Variants in PARD3B observed in about 807,000 individuals in gnomAD.
PARD3B encodes the protein par-3 family cell polarity regulator beta.
In PARD3B, 103 loss-of-function variants were observed where a neutral mutation model predicts 130.2. The ratio of observed to expected loss-of-function variants is 0.79; its 90% CI spans 0.67 to 0.93. The LOEUF is 0.93. Among genes scored for constraint, PARD3B ranks in the 40% least tolerant of loss-of-function variants. The pLI, the probability that PARD3B is intolerant of heterozygous loss-of-function variation, is 0.00. For synonymous variants in PARD3B, 583 were observed against 553.2 expected (o/e 1.05, Z -0.76); for missense variants, 1,609 against 1,499.2 (o/e 1.07, Z -1.21).
chr2:204,695,391 T>C (rs2037563177), intron 2 of PARD3B, among the ~76,000 whole-genome samples: 1 of 152,064 alleles, frequency 6.6e-6, no homozygotes, highest in South Asian at 2.1e-4. Context: ...CAAATGCCTG[T>C]GAGTACTAGT....
At chr2:205,119,267 C>G (rs1295778883) in intron 7 of PARD3B, among the ~76,000 whole-genome samples, 1 of 152,154 alleles carries the variant, frequency 6.6e-6, no homozygotes, top group Admixed American at 6.5e-5. Flanking sequence ...CAGAATATCA[C>G]AAGCCTTCCT....
rs1473754465 is a variant in PARD3B, at chr2:205,230,758, C to T, written c.2141-15020C>T. On this transcript the variant is annotated intron_variant, in intron 15 of 22. Transcript: ENST00000406610. The surrounding 1 kb of genome is among the most constrained non-coding windows in gnomAD (Gnocchi z 4.1). ...CTACCTTTCAAGTCTGTTTAGGACC[C>T]CAGAGCGCTTTAGCCTGCAGTGCCA... is the stretch of plus-strand genomic sequence containing the variant. Among the ~76,000 whole-genome samples the T allele has an allele frequency of 6.6e-6, 1 of 152,160 alleles. No individual in the cohort carries two copies. The highest frequency in any genetic ancestry group is 1.5e-5 in the Non-Finnish European group (1 of 68,024).
At chr2:204,884,388 AT>A in intron 2 of PARD3B, among the ~76,000 whole-genome samples, 1 of 152,338 alleles carries the variant, frequency 6.6e-6, no homozygotes, top group African/African-American at 2.4e-5. Flanking sequence ...CCTATATTTT[AT>A]TTGAAGTCAT....
chr2:204,932,835 C>T (rs544727270), intron 2 of PARD3B, among the ~76,000 whole-genome samples: 2 of 152,300 alleles, frequency 1.3e-5, no homozygotes, highest in Admixed American at 6.5e-5. Flanking sequence ...TAGTCAGTGA[C>T]AGCTCATTAA....
chr2:204,821,314 T>C (rs1323231289), intron 2 of PARD3B, among the ~76,000 whole-genome samples: 1 of 152,010 alleles, frequency 6.6e-6, no homozygotes, highest in Non-Finnish European at 1.5e-5. Flanking sequence ...TGTCCAACAA[T>C]GATAGACTGG....
intron 16 of PARD3B, among the ~76,000 whole-genome samples, chr2:205,282,332 A>C (rs1159790207): frequency 6.6e-6 from 1 of 151,962 alleles, no homozygotes; most frequent in Non-Finnish European, 1.5e-5. Context: ...GTACTTGAGC[A>C]TCCTTATACT....
intron 2 of PARD3B, among the ~76,000 whole-genome samples, chr2:204,902,430 G>T (rs1356516908): frequency 6.6e-6 from 1 of 152,080 alleles, no homozygotes; most frequent in Non-Finnish European, 1.5e-5. Context: ...AGCACTTTGG[G>T]AGGCCGAAGC....
intron 1 of PARD3B, among the ~76,000 whole-genome samples, chr2:204,592,551 AT>A (rs1309412451): frequency 6.6e-6 from 1 of 152,140 alleles, no homozygotes; most frequent in Non-Finnish European, 1.5e-5. Flanking sequence ...ATATTTTCAC[AT>A]TTTGTTTTGT....
intron 18 of PARD3B, among the ~76,000 whole-genome samples, chr2:205,361,120 G>T (rs917528537): frequency 2.0e-5 from 3 of 152,134 alleles, no homozygotes; most frequent in African/African-American, 7.2e-5. Flanking sequence ...AAAAAAACTT[G>T]GAGGAGACTA....
intron 2 of PARD3B, among the ~76,000 whole-genome samples, chr2:204,898,437 C>CT (rs1435016655): frequency 2.6e-5 from 4 of 152,096 alleles, no homozygotes; most frequent in Non-Finnish European, 4.4e-5. Flanking sequence ...ACCATCCACA[C>CT]TTCCCCCATC....
Position 204,883,453 on chromosome 2 carries a change from A to ATTTTT in PARD3B, c.223-81698_223-81697insTTTTT, listed in dbSNP as rs1255418062. ...ATATAAAATATATATATATATATAT[A>ATTTTT]TATTTTTTTTTTTGAGACAGAGTCT... On this transcript the variant is annotated intron_variant, in intron 2 of 22. Coordinates refer to ENST00000406610, the MANE Select transcript of PARD3B (RefSeq NM_001302769.2). Among the ~76,000 whole-genome samples the ATTTTT allele has an allele frequency of 5.7e-4, 56 of 98,020 alleles. 1 individual carries two copies. Among genetic ancestry groups the ATTTTT allele is most frequent in the East Asian group, 2.5e-3 (8 of 3,246 alleles). The allele number at this position is 98,020 out of a possible 152,430, so 64.3% of individuals were successfully genotyped here.
chr2:204,570,924 A>G (rs924766469), intron 1 of PARD3B, among the ~76,000 whole-genome samples: 3 of 147,170 alleles, frequency 2.0e-5, no homozygotes, highest in African/African-American at 7.9e-5. Context: ...TGAGGTGTAT[A>G]AGCTGTTGTA....
chr2:205,064,462 C>T (rs1559404316), intron 4 of PARD3B, among the ~76,000 whole-genome samples: 1 of 152,118 alleles, frequency 6.6e-6, no homozygotes, highest in Non-Finnish European at 1.5e-5. Context: ...CCTTCCTAAG[C>T]TTTAGGGAAA....
Position 204,599,911 on chromosome 2 carries a change from G to A in PARD3B, c.120+53792G>A, listed in dbSNP as rs575410565. Among the ~76,000 whole-genome samples the A allele has an allele frequency of 1.8e-4, 27 of 151,718 alleles. No homozygotes were observed. The South Asian group carries it at 5.4e-3, about 30-fold the overall frequency. The stretch of plus-strand genomic sequence containing the variant: ...CTGGGGTGACATGATATCTCATTAT[G>A]GCTTTGATTTGCATTTCCCTCATGA... On this transcript the variant is annotated intron_variant, in intron 1 of 22. Coordinates refer to ENST00000406610, the MANE Select transcript of PARD3B (RefSeq NM_001302769.2).
intron 16 of PARD3B, among the ~76,000 whole-genome samples, chr2:205,273,418 G>A (rs945137519): frequency 5.9e-5 from 9 of 152,176 alleles, no homozygotes; most frequent in Non-Finnish European, 1.0e-4. Context: ...GCAGAAGCAC[G>A]TGTGAGTTTT....
chr2:205,266,833 C>A (rs1268042541), intron 16 of PARD3B, among the ~76,000 whole-genome samples: 1 of 151,994 alleles, frequency 6.6e-6, no homozygotes, highest in African/African-American at 2.4e-5. Context: ...TTATCTAGAA[C>A]CTGTGGTTTT....
intron 19 of PARD3B, among the ~76,000 whole-genome samples, chr2:205,436,053 C>T (rs2047503076): frequency 6.6e-6 from 1 of 152,100 alleles, no homozygotes; most frequent in Admixed American, 6.6e-5. Flanking sequence ...GCCCTGTTGC[C>T]CATAGATGGT....
At chr2:205,043,801 A>C (rs1255590357) in intron 3 of PARD3B, among the ~76,000 whole-genome samples, 1 of 151,410 alleles carries the variant, frequency 6.6e-6, no homozygotes, top group Non-Finnish European at 1.5e-5. Flanking sequence ...CTTTTTTTTA[A>C]ATTTTTTATT....
chr2:204,885,644 T>C lies in PARD3B; in HGVS notation c.223-79508T>C, dbSNP rs755650805. On this transcript the variant is annotated intron_variant, in intron 2 of 22. Transcript: ENST00000406610. The stretch of plus-strand genomic sequence containing the variant: ...CTTTATTCAAGATCTGTGCTTATTA[T>C]ACTTAGATATTGACTGTTAAAAAGG... Among the ~76,000 whole-genome samples, 3 of 152,342 alleles carry C rather than the reference T, an allele frequency of 2.0e-5. No individual in the cohort carries two copies. In the Middle Eastern group the frequency reaches 0.01, roughly 518 times the overall value.
Sources: gnomAD v4.1 joint callset for allele counts (sites outside exome capture counted in the v4.1 genomes callset) on GRCh38, gnomAD v4.1.1 for gene constraint, Gnocchi (gnomAD v3.1) non-coding constraint, MANE v1.5 for transcripts, NCBI Gene and HGNC (gene_info 2026-07-23, HGNC 2026-07-21) for gene names.